The following PACRG variants were observed in gnomAD, a reference collection of about 807,000 sequenced individuals.
PACRG encodes parkin coregulated.
Under a neutral mutation model 29.7 loss-of-function variants are expected in PACRG, and 29 were observed. The ratio of observed to expected loss-of-function variants is 0.98; its 90% CI spans 0.73 to 1.33. The LOEUF (loss-of-function observed/expected upper bound fraction) is 1.33. Ranked by LOEUF, PACRG falls within the 40% of genes most tolerant of loss-of-function variation. The probability of loss-of-function intolerance (pLI) is 0.00; values close to 1 mark genes in which losing one functional copy is unlikely to be tolerated. For synonymous variants in PACRG, 116 were observed against 118.7 expected (o/e 0.98, Z 0.15); for missense variants, 279 against 316.2 (o/e 0.88, Z 0.89).
chr6:162,854,166 G>T (rs74940416), intron 2 of PACRG, among the ~76,000 whole-genome samples: 58 of 140,192 alleles, frequency 4.1e-4, no homozygotes, highest in Middle Eastern at 3.7e-3. Context: ...TTTTCTTTCT[G>T]TTTTTTTTTT....
At chr6:163,088,207 C>T (rs1813771850) in intron 3 of PACRG, among the ~76,000 whole-genome samples, 2 of 152,138 alleles carry the variant, frequency 1.3e-5, no homozygotes, top group African/African-American at 2.4e-5. Flanking sequence ...CTTTTTATAG[C>T]CTGGGTCCTT....
intron 2 of PACRG, among the ~76,000 whole-genome samples, chr6:162,891,604 T>G (rs1260140541): frequency 1.3e-5 from 2 of 152,168 alleles, no homozygotes; most frequent in Non-Finnish European, 2.9e-5. Flanking sequence ...TAACTGCTAC[T>G]TCCCTTGGTA....
chr6:163,148,446 G>T (rs1777893956), intron 4 of PACRG, among the ~76,000 whole-genome samples: 1 of 152,178 alleles, frequency 6.6e-6, no homozygotes, highest in South Asian at 2.1e-4. Flanking sequence ...GCCATCACGG[G>T]CAGGTTCGCA....
intron 4 of PACRG, among the ~76,000 whole-genome samples, chr6:163,171,171 G>A (rs1015447200): frequency 6.6e-6 from 1 of 152,138 alleles, no homozygotes; most frequent in Non-Finnish European, 1.5e-5. Context: ...AGTAGTATTA[G>A]TGACTAAATG....
intron 2 of PACRG, among the ~76,000 whole-genome samples, chr6:162,967,666 C>T (rs1169664588): frequency 1.3e-5 from 2 of 151,968 alleles, no homozygotes; most frequent in Admixed American, 6.6e-5. Flanking sequence ...GCCACCACGC[C>T]CGGCTAATTT....
At chr6:162,886,118 T>G (rs1176761896) in intron 2 of PACRG, among the ~76,000 whole-genome samples, 1 of 152,146 alleles carries the variant, frequency 6.6e-6, no homozygotes, top group Non-Finnish European at 1.5e-5. Context: ...AAAGATGGGG[T>G]TTCGCCATTT....
At chr6:163,287,315 A>G (rs1457884622) in intron 4 of PACRG, among the ~76,000 whole-genome samples, 1 of 152,100 alleles carries the variant, frequency 6.6e-6, no homozygotes, top group Non-Finnish European at 1.5e-5. Flanking sequence ...CGTTTTGGAA[A>G]CCTGGTCCCC....
At chr6:162,795,649 C>T (rs983556732) in intron 1 of PACRG, among the ~76,000 whole-genome samples, 27 of 151,820 alleles carry the variant, frequency 1.8e-4, no homozygotes, top group Admixed American at 6.6e-4. Flanking sequence ...ATTTTTATTG[C>T]GATAGTATTA....
intron 1 of PACRG, among the ~76,000 whole-genome samples, chr6:162,756,248 G>C (rs1781909125): frequency 6.6e-6 from 1 of 152,006 alleles, no homozygotes; most frequent in East Asian, 1.9e-4. Context: ...GGCGTATTAA[G>C]GTCCTCTACT....
At chr6:162,755,692 C>T (rs555851356) in intron 1 of PACRG, among the ~76,000 whole-genome samples, 1 of 152,326 alleles carries the variant, frequency 6.6e-6, no homozygotes, top group Admixed American at 6.5e-5. Context: ...CCACCTTGGC[C>T]TCCCAAAGTT....
intron 4 of PACRG, among the ~76,000 whole-genome samples, chr6:163,304,819 A>G (rs1464550894): frequency 6.6e-6 from 1 of 152,200 alleles, no homozygotes; most frequent in African/African-American, 2.4e-5. Flanking sequence ...TTCGTGAGGG[A>G]GATGAGATCA....
intron 2 of PACRG, among the ~76,000 whole-genome samples, chr6:163,035,427 T>C (rs1462707714): frequency 1.1e-4 from 17 of 151,884 alleles, no homozygotes; most frequent in Non-Finnish European, 2.9e-5. Context: ...GGCAGGCAGA[T>C]CACGAGGTCA....
At chr6:162,860,960 T>C (rs912324068) in intron 2 of PACRG, among the ~76,000 whole-genome samples, 1 of 152,192 alleles carries the variant, frequency 6.6e-6, no homozygotes, top group Non-Finnish European at 1.5e-5. Context: ...AGTTGCTTTT[T>C]TGCTCACCAA....
intron 4 of PACRG, among the ~76,000 whole-genome samples, chr6:163,314,058 G>A (rs1785547089): frequency 6.6e-6 from 1 of 152,092 alleles, no homozygotes; most frequent in African/African-American, 2.4e-5. Context: ...TTAGCCATAG[G>A]TTCCTGGCCT....
intron 4 of PACRG, among the ~76,000 whole-genome samples, chr6:163,139,405 T>C (rs1817066227): frequency 3.7e-5 from 1 of 26,834 alleles, no homozygotes; most frequent in South Asian, 1.1e-3. Flanking sequence ...ATTTATAGGT[T>C]CTGGGAGTTA....
chr6:162,817,688 G>T (rs1787476042), intron 2 of PACRG, among the ~76,000 whole-genome samples: 1 of 152,052 alleles, frequency 6.6e-6, no homozygotes, highest in Admixed American at 6.6e-5. Flanking sequence ...AATTTAAATA[G>T]CCACGTGGTT....
chr6:162,848,288 A>G (rs564517793), intron 2 of PACRG, among the ~76,000 whole-genome samples: 1 of 152,354 alleles, frequency 6.6e-6, no homozygotes, highest in East Asian at 1.9e-4. Flanking sequence ...TTTACCTTTT[A>G]CCGAAATGTG....
chr6:163,174,051 G>A (rs1024498210), intron 4 of PACRG, among the ~76,000 whole-genome samples: 1 of 152,106 alleles, frequency 6.6e-6, no homozygotes, highest in African/African-American at 2.4e-5. Flanking sequence ...GCCACGCACC[G>A]CACTTTTTTC....
At chr6:162,761,946 A>T (rs1468991777) in intron 1 of PACRG, among the ~76,000 whole-genome samples, 4 of 133,468 alleles carry the variant, frequency 3.0e-5, no homozygotes, top group African/African-American at 1.1e-4. Context: ...AAAAAAAAAA[A>T]AAAAAAGAAA....
Sources: allele counts gnomAD v4.1 joint callset (sites outside exome capture counted in the v4.1 genomes callset), GRCh38; gene constraint gnomAD v4.1.1; transcripts MANE v1.5; gene names NCBI Gene and HGNC (gene_info 2026-07-23, HGNC 2026-07-21).